The following SMAD7 variants were observed in gnomAD, a reference collection of about 807,000 sequenced individuals.
SMAD7 encodes MAD (mothers against decapentaplegic, Drosophila) homolog 7.
SMAD7 carries 8 observed loss-of-function variants against 38.7 expected under a neutral mutation model. That is an observed-to-expected ratio of 0.21 (90% CI 0.12 to 0.37). The LOEUF (loss-of-function observed/expected upper bound fraction) is 0.37. Among genes scored for constraint, SMAD7 ranks in the 10% least tolerant of loss-of-function variants. SMAD7 has a pLI of 1.00. For synonymous variants in SMAD7, 327 were observed against 265.1 expected, an observed-to-expected ratio of 1.23 and a Z score of -2.27; for missense variants, 477 against 577.9, an observed-to-expected ratio of 0.83 and a Z score of 1.79.
At chr18:48,924,541 G>T (rs2069902652) in intron 3 of SMAD7, among the ~76,000 whole-genome samples, 1 of 152,228 alleles carries the variant, frequency 6.6e-6, no homozygotes, top group East Asian at 1.9e-4. Flanking sequence ...GCAATGTGCT[G>T]CCAGACACCC....
rs147707423 is a variant in SMAD7, at chr18:48,948,387, T to G, written c.664A>C (p.Thr222Pro). The G allele has an allele frequency of 1.3e-6, 2 of 1,593,710 alleles. No homozygotes were observed. The highest frequency in any genetic ancestry group is 2.3e-5 in the South Asian group (2 of 88,564). The change falls in exon 2 of 4, where the codon ACT becomes CCT. Residue 222 changes from threonine to proline, a missense_variant. Thr to Pro is a conservative substitution (Grantham distance 38). Transcript: ENST00000262158. ...SRYPMDFLKP[T>P]ADCPDAVPSS... ...ATTTTAAAAATCATCTACTCACCAGTTGGTTTGAGAAAATCCATCGGGTAT... is the reference window on the plus strand; with the variant it reads ...ATTTTAAAAATCATCTACTCACCAGGTGGTTTGAGAAAATCCATCGGGTAT...
intron 3 of SMAD7, among the ~76,000 whole-genome samples, chr18:48,927,773 T>C (rs937024838): frequency 4.6e-5 from 7 of 152,144 alleles, no homozygotes; most frequent in Non-Finnish European, 8.8e-5. Flanking sequence ...CACCCCATGG[T>C]AGAACAGTTC....
chr18:48,933,178 C>G (rs1034138502), intron 3 of SMAD7, among the ~76,000 whole-genome samples: 4 of 152,122 alleles, frequency 2.6e-5, no homozygotes, highest in Admixed American at 2.6e-4. Context: ...CTCAACAGAC[C>G]ACACAACCAA....
At chr18:48,949,365 T>C (rs764234328) in intron 1 of SMAD7, 11 of 686,062 alleles carry the variant, frequency 1.6e-5, no homozygotes, top group Non-Finnish European at 2.0e-5. Context: ...TTCCAGCCTT[T>C]ATAGCACGCC....
At chr18:48,930,709 C>T (rs1245597542) in intron 3 of SMAD7, among the ~76,000 whole-genome samples, 2 of 114,786 alleles carry the variant, frequency 1.7e-5, no homozygotes, top group African/African-American at 5.2e-5. Context: ...CGCATGCGAT[C>T]GGTGTGTGCC....
chr18:48,926,165 C>T (rs1405154628), intron 3 of SMAD7, among the ~76,000 whole-genome samples: 2 of 152,294 alleles, frequency 1.3e-5, no homozygotes, highest in East Asian at 1.9e-4. Flanking sequence ...AGGCAGAGGG[C>T]AGAGAGGCAG....
chr18:48,940,676 T>A (rs940447068), intron 3 of SMAD7, among the ~76,000 whole-genome samples: 1 of 152,000 alleles, frequency 6.6e-6, no homozygotes, highest in Non-Finnish European at 1.5e-5. Context: ...TGCTTGAACC[T>A]GGGAGGTGGA....
At chr18:48,947,895 C>CT (rs201474740) in intron 2 of SMAD7, among the ~76,000 whole-genome samples, 1,414 of 140,966 alleles carry the variant, frequency 0.01, 54 homozygotes, top group African/African-American at 0.035. Context: ...GGAACCTACC[C>CT]CCCCCCCCCT....
At chr18:48,932,254 G>T (rs1216945992) in intron 3 of SMAD7, among the ~76,000 whole-genome samples, 2 of 152,154 alleles carry the variant, frequency 1.3e-5, no homozygotes, top group African/African-American at 2.4e-5. Context: ...TGGGACAGGG[G>T]ACAGGGACAA....
In SMAD7 at chr18:48,921,147, C is replaced by T. The variant is rs890956100; in HGVS notation, c.*225G>A. 3 of 550,010 alleles carry T rather than the reference C, an allele frequency of 5.5e-6. No homozygotes were observed. The highest frequency in any genetic ancestry group is 9.7e-6 in the Non-Finnish European group (3 of 309,990). 34.1% of individuals were successfully genotyped at this position (550,010 alleles called of 1,614,324 possible). On this transcript the variant is annotated 3_prime_UTR_variant, in exon 4 of 4. Transcript: ENST00000262158. The surrounding 1 kb of genome is among the most constrained non-coding windows in gnomAD (Gnocchi z 6.4). ...GGTGTCCTGCCGATCATACCTGCCC[C>T]TTCTTCCAAAAAAACCCCCAACAAT...
At chr18:48,925,440 C>CG (rs924088366) in intron 3 of SMAD7, among the ~76,000 whole-genome samples, 19 of 150,574 alleles carry the variant, frequency 1.3e-4, no homozygotes, top group Admixed American at 4.6e-4. Context: ...TTGCCCCCCC[C>CG]CAACCTTCCC....
intron 3 of SMAD7, among the ~76,000 whole-genome samples, chr18:48,941,867 A>T (rs926370469): frequency 4.6e-5 from 7 of 152,134 alleles, no homozygotes; most frequent in Non-Finnish European, 7.3e-5. Context: ...GCCTTCACGC[A>T]TACCTGTGAG....
chr18:48,944,219 C>T (rs907012261), intron 2 of SMAD7, among the ~76,000 whole-genome samples: 1 of 152,160 alleles, frequency 6.6e-6, no homozygotes, highest in Non-Finnish European at 1.5e-5. Context: ...CCCACTCCTC[C>T]CAGATGGAAG....
intron 3 of SMAD7, among the ~76,000 whole-genome samples, chr18:48,941,360 G>A (rs2070137487): frequency 6.6e-6 from 1 of 152,130 alleles, no homozygotes; most frequent in African/African-American, 2.4e-5. Flanking sequence ...ACAAACAAGG[G>A]TCTCCCTAAA....
At chr18:48,922,606 A>C (rs932668779) in intron 3 of SMAD7, among the ~76,000 whole-genome samples, 6 of 152,188 alleles carry the variant, frequency 3.9e-5, no homozygotes, top group Admixed American at 3.3e-4. Flanking sequence ...CCCTGTACAC[A>C]AAGGGTGAAT....
Position 48,921,430 on chromosome 18 carries a change from G to C in SMAD7, c.1223C>G (p.Thr408Ser). ...CGGGCAGCTGCTGATGAACTGGCGG[G>C]TGTAGCACTGGCCCCAGCCCTTCAC... ...SFVKGWGQCYTRQFISSCPCW... is the reference protein window; with the variant it reads ...SFVKGWGQCYSRQFISSCPCW... The change falls in exon 4 of 4, where the codon ACC becomes AGC. Residue 408 changes from threonine (T) to serine (S), a missense_variant. This residue lies in a region of SMAD7 where 101 missense variants were observed against 198.5 expected (regional missense o/e 0.51). Coordinates refer to ENST00000262158, the MANE Select transcript of SMAD7 (RefSeq NM_005904.4). This position sits in a 1 kb window ranked among gnomAD's most constrained non-coding sequence, Gnocchi z 6.4. 4 of 1,613,722 alleles carry C rather than the reference G, an allele frequency of 2.5e-6. No individual in the cohort carries two copies. The highest frequency in any genetic ancestry group is 3.4e-6 in the Non-Finnish European group (4 of 1,179,660).
chr18:48,929,565 T>TCACACACACACACACA (rs756130657), intron 3 of SMAD7, among the ~76,000 whole-genome samples: 66 of 40,196 alleles, frequency 1.6e-3, no homozygotes, highest in African/African-American at 4.3e-3. Context: ...TCTCTCTCTC[T>TCACACACACACACACA]CTCTCACTCA....
chr18:48,947,198 C>T (rs1212639892), intron 2 of SMAD7, among the ~76,000 whole-genome samples: 2 of 152,290 alleles, frequency 1.3e-5, no homozygotes, highest in South Asian at 2.1e-4. Flanking sequence ...ATATCACATG[C>T]TTTGCGGGCC....
At chr18:48,934,430 G>C (rs991584016) in intron 3 of SMAD7, among the ~76,000 whole-genome samples, 4 of 148,900 alleles carry the variant, frequency 2.7e-5, no homozygotes, top group Non-Finnish European at 4.4e-5. Flanking sequence ...AAAGGCGTGA[G>C]TAAATTCTTA....
Sources: allele counts gnomAD v4.1 joint callset (sites outside exome capture counted in the v4.1 genomes callset), GRCh38; gene constraint gnomAD v4.1.1; regional missense constraint gnomAD v4.1.1; non-coding constraint Gnocchi (gnomAD v3.1); transcripts MANE v1.5; gene names NCBI Gene and HGNC (gene_info 2026-07-23, HGNC 2026-07-21).